Variants in HGF observed in about 807,000 individuals in gnomAD.
HGF encodes the protein hepatocyte growth factor.
Under a neutral mutation model 111.6 loss-of-function variants are expected in HGF, and 39 were observed. The ratio of observed to expected loss-of-function variants is 0.35; its 90% CI spans 0.27 to 0.46. The LOEUF (loss-of-function observed/expected upper bound fraction) is 0.46. Among genes scored for constraint, HGF ranks in the 20% least tolerant of loss-of-function variants. The pLI is 1.00. For missense variants in HGF, 735 were observed against 910.5 expected, an observed-to-expected ratio of 0.81 and a Z score of 2.48; for synonymous variants, 285 against 294.8, an observed-to-expected ratio of 0.97 and a Z score of 0.34.
chr7:81,747,602 G>T (rs1366315247), intron 5 of HGF, among the ~76,000 whole-genome samples: 1 of 152,116 alleles, frequency 6.6e-6, no homozygotes, highest in East Asian at 1.9e-4. Flanking sequence ...TGTTGGGGTG[G>T]GAATTAAACA....
At chr7:81,726,108 G>T in intron 8 of HGF, 91 bp from the exon 9 acceptor site, 2 of 1,272,706 alleles carry the variant, frequency 1.6e-6, no homozygotes, top group East Asian at 2.3e-5. Flanking sequence ...TAGAATGTAT[G>T]CATGTTTATA....
chr7:81,715,433 C>T (rs1789685095), intron 11 of HGF, among the ~76,000 whole-genome samples: 1 of 151,868 alleles, frequency 6.6e-6, no homozygotes, highest in South Asian at 2.1e-4. Flanking sequence ...CTATGCCAAC[C>T]TTAATATGGG....
chr7:81,736,724 A>T (rs368005607), intron 7 of HGF: 12 of 478,252 alleles, frequency 2.5e-5, no homozygotes, highest in African/African-American at 2.4e-4. Context: ...CAAAGGAAGA[A>T]AATCATTGTG....
intron 11 of HGF, among the ~76,000 whole-genome samples, chr7:81,715,996 A>G (rs2115839293): frequency 6.6e-6 from 1 of 152,338 alleles, no homozygotes; most frequent in African/African-American, 2.4e-5. Context: ...TTACAGATAC[A>G]TAGTATAGTA....
At chr7:81,705,817 A>G in intron 15 of HGF, 64 bp from the exon 16 acceptor site, 1 of 973,334 alleles carries the variant, frequency 1.0e-6, no homozygotes, top group Non-Finnish European at 1.7e-6. Flanking sequence ...TAACATATTA[A>G]ATGTAGTGTT....
chr7:81,766,335 T>C (rs943472740), intron 1 of HGF, among the ~76,000 whole-genome samples: 19 of 152,170 alleles, frequency 1.2e-4, no homozygotes, highest in African/African-American at 4.6e-4. Context: ...ACATGATTAG[T>C]GATGAAGAGA....
chr7:81,704,620 A>G (rs1378994502), intron 17 of HGF, among the ~76,000 whole-genome samples: 1 of 151,788 alleles, frequency 6.6e-6, no homozygotes, highest in East Asian at 1.9e-4. Flanking sequence ...TTGCATTTCA[A>G]TACATATTTA....
chr7:81,727,332 C>T (rs542596097), intron 8 of HGF, among the ~76,000 whole-genome samples: 2 of 151,924 alleles, frequency 1.3e-5, no homozygotes, highest in African/African-American at 4.8e-5. Context: ...CATGAGCCAC[C>T]GCACCCGGCC....
intron 1 of HGF, among the ~76,000 whole-genome samples, chr7:81,766,479 A>G (rs1789362739): frequency 6.6e-6 from 1 of 152,212 alleles, no homozygotes; most frequent in African/African-American, 2.4e-5. Flanking sequence ...ATTATCTAAG[A>G]CATGGATTTT....
intron 7 of HGF, among the ~76,000 whole-genome samples, chr7:81,741,135 C>A: frequency 6.6e-6 from 1 of 152,174 alleles, no homozygotes; most frequent in South Asian, 2.1e-4. Flanking sequence ...ATAGAAGTAT[C>A]GTCTCTTTAT....
Position 81,710,160 on chromosome 7 carries a change from T to C in HGF, c.1528A>G (p.Ser510Gly), listed in dbSNP as rs779336001. Residue 510 changes from serine (S) to glycine (G), a missense_variant, in exon 13 of 18, where the codon AGT (serine) becomes GGT (glycine). Physicochemically the swap from Ser to Gly is moderately conservative, Grantham distance 56. Transcript: ENST00000222390. The stretch of plus-strand genomic sequence containing the variant: ...ATTAATAATTACCTGTATCTCAAAC[T>C]AACCATCCATCCTATGTTTGTTCGT... ...PTRTNIGWMV[S>G]LRYRNKHICG... is the part of the protein sequence containing the mutation. 3 of 1,605,642 alleles carry C rather than the reference T, an allele frequency of 1.9e-6. No homozygotes were observed. The highest frequency in any genetic ancestry group is 1.7e-5 in the Admixed American group (1 of 59,948).
At chr7:81,764,850 TC>T (rs1396917505) in intron 1 of HGF, among the ~76,000 whole-genome samples, 27 of 152,042 alleles carry the variant, frequency 1.8e-4, no homozygotes. Flanking sequence ...AGTTTCTCTT[TC>T]CTTTGACCTT....
chr7:81,765,043 A>G (rs1465728702), intron 1 of HGF, among the ~76,000 whole-genome samples: 1 of 152,102 alleles, frequency 6.6e-6, no homozygotes, highest in Non-Finnish European at 1.5e-5. Context: ...GTGTATAATT[A>G]TATTAACTAA....
At chr7:81,732,420 G>A (rs1337704774) in intron 7 of HGF, among the ~76,000 whole-genome samples, 1 of 152,140 alleles carries the variant, frequency 6.6e-6, no homozygotes. Context: ...GTAGGGGTGA[G>A]AGAGTAAAAT....
chr7:81,727,297 C>A (rs540397729), intron 8 of HGF, among the ~76,000 whole-genome samples: 6 of 152,052 alleles, frequency 3.9e-5, no homozygotes, highest in African/African-American at 1.4e-4. Context: ...CCCACCTTGG[C>A]CTCCCAAAGT....
chr7:81,718,319 C>A lies in HGF; in HGVS notation c.1272-954G>T, dbSNP rs5745717. ...TGTTGTAGGTTCTTTGTAGATATAACCTTAGACCAATCTTATGAGATAGTC... is the reference window on the plus strand; with the variant it reads ...TGTTGTAGGTTCTTTGTAGATATAAACTTAGACCAATCTTATGAGATAGTC... On this transcript the variant is annotated intron_variant, in intron 10 of 17. Coordinates refer to ENST00000222390, the MANE Select transcript of HGF (RefSeq NM_000601.6). Among the ~76,000 whole-genome samples, 569 of 152,214 alleles carry A rather than the reference C, an allele frequency of 3.7e-3. 1 individual carries two copies. The highest frequency in any genetic ancestry group is 6.7e-3 in the Admixed American group (103 of 15,278).
intron 5 of HGF, 65 bp downstream of exon 5, chr7:81,752,055 A>T: frequency 6.2e-7 from 1 of 1,600,032 alleles, no homozygotes. Context: ...TTAACCTTTA[A>T]TGTGAGTTAC....
At chr7:81,764,839 G>T (rs866882370) in intron 1 of HGF, among the ~76,000 whole-genome samples, 2 of 151,890 alleles carry the variant, frequency 1.3e-5, no homozygotes, top group African/African-American at 4.8e-5. Flanking sequence ...TTTCCATTAA[G>T]AGTTTCTCTT....
At chr7:81,735,079 C>A (rs894955916) in intron 7 of HGF, among the ~76,000 whole-genome samples, 1 of 152,052 alleles carries the variant, frequency 6.6e-6, no homozygotes, top group Non-Finnish European at 1.5e-5. Context: ...ACTCTCCCAT[C>A]AACAATACTT....
Sources: gnomAD v4.1 joint callset for allele counts (sites outside exome capture counted in the v4.1 genomes callset) on GRCh38, gnomAD v4.1.1 for gene constraint, MANE v1.5 for transcripts, NCBI Gene and HGNC (gene_info 2026-07-23, HGNC 2026-07-21) for gene names.